The following FNIP1 variants were observed in gnomAD, a reference collection of about 807,000 sequenced individuals.
FNIP1 encodes folliculin-interacting protein 1.
A neutral mutation model predicts 124.5 loss-of-function variants in FNIP1; 40 were observed. That is an observed-to-expected ratio of 0.32 (90% CI 0.25 to 0.42). FNIP1 has a LOEUF of 0.42. FNIP1 is among the 10% of genes least tolerant of loss of function. The pLI, the probability that FNIP1 is intolerant of heterozygous loss-of-function variation, is 1.00. For synonymous variants in FNIP1, 472 were observed against 470.6 expected, an observed-to-expected ratio of 1.00 and a Z score of -0.04; for missense variants, 1,176 against 1,403.7, an observed-to-expected ratio of 0.84 and a Z score of 2.59.
intron 15 of FNIP1, among the ~76,000 whole-genome samples, chr5:131,663,655 T>C (rs969253126): frequency 1.3e-5 from 2 of 152,236 alleles, no homozygotes; most frequent in African/African-American, 4.8e-5. Context: ...TTTTACTAAT[T>C]GTTTGTCTGT....
At chr5:131,696,295 T>TA (rs1274559007) in intron 11 of FNIP1, among the ~76,000 whole-genome samples, 2 of 152,136 alleles carry the variant, frequency 1.3e-5, no homozygotes, top group African/African-American at 2.4e-5. Flanking sequence ...ACTTCATCTA[T>TA]AAAAAACATG....
intron 1 of FNIP1, among the ~76,000 whole-genome samples, chr5:131,755,293 C>T (rs1191043713): frequency 6.6e-6 from 1 of 151,832 alleles, no homozygotes; most frequent in African/African-American, 2.4e-5. Context: ...TGATGGTGGG[C>T]GCCTGTAATT....
intron 1 of FNIP1, among the ~76,000 whole-genome samples, chr5:131,754,342 G>C (rs1246242482): frequency 6.6e-6 from 1 of 152,206 alleles, no homozygotes; most frequent in African/African-American, 2.4e-5. Flanking sequence ...ATCTAGATAA[G>C]AGGTGTGCAT....
rs1002180564 is a variant in FNIP1 at position 131,757,483 on chromosome 5, C to T, written c.93-12793G>A. ...GGAAAGTGTGGTACAATATCATAGG[C>T]CTCATAAAGAACAGGTTTTCATGAG... On this transcript the variant is annotated intron_variant, in intron 1 of 17. Coordinates refer to ENST00000510461, the MANE Select transcript of FNIP1 (RefSeq NM_133372.3). Among the ~76,000 whole-genome samples the T allele has an allele frequency of 5.3e-5, 8 of 152,114 alleles. No individual in the cohort carries two copies. In the East Asian group the frequency reaches 1.3e-3, roughly 26 times the overall value.
At chr5:131,668,587 A>C (rs1329578543) in intron 15 of FNIP1, among the ~76,000 whole-genome samples, 1 of 152,210 alleles carries the variant, frequency 6.6e-6, no homozygotes. Flanking sequence ...CCAGAGGCTG[A>C]GGCAAGAGAA....
chr5:131,728,547 C>G (rs1373692415), intron 3 of FNIP1, among the ~76,000 whole-genome samples: 1 of 152,130 alleles, frequency 6.6e-6, no homozygotes, highest in Admixed American at 6.6e-5. Context: ...TCATGTTCTT[C>G]TCTAAACTGT....
intron 1 of FNIP1, among the ~76,000 whole-genome samples, chr5:131,794,470 C>T (rs1772512086): frequency 6.6e-6 from 1 of 151,984 alleles, no homozygotes; most frequent in African/African-American, 2.4e-5. Flanking sequence ...TCCTAGATTT[C>T]TATCCAAGAG....
chr5:131,671,303 T>A (rs545889803), intron 14 of FNIP1, among the ~76,000 whole-genome samples: 8 of 152,322 alleles, frequency 5.3e-5, no homozygotes, highest in South Asian at 2.1e-4. Context: ...ATCCTTTAAC[T>A]TTTATTTGAG....
rs1463923736 is a variant in FNIP1, at chr5:131,647,172, G to A, written c.3340C>T (p.Leu1114=). Reference sequence around the variant, plus strand: ...GACAGCATTTTACTTTTGAAGTATAGCTCCTGCAACCGGTCTTCAAGATGC... The same window carrying A: ...GACAGCATTTTACTTTTGAAGTATAACTCCTGCAACCGGTCTTCAAGATGC... ...VMHLEDRLQE[L]YFKSKMLSEY... Residue 1114 remains leucine (L), a synonymous_variant, in exon 17 of 18, where the codon CTA becomes TTA. Transcript: ENST00000510461. 1 of 1,614,116 alleles carries A rather than the reference G, an allele frequency of 6.2e-7. No individual in the cohort carries two copies. The highest frequency in any genetic ancestry group is 1.1e-5 in the South Asian group (1 of 91,078).
intron 7 of FNIP1, 147 bp from the exon 8 acceptor site, chr5:131,709,419 A>G (rs1470885805): frequency 1.5e-6 from 1 of 649,912 alleles, no homozygotes; most frequent in Admixed American, 2.5e-5. Flanking sequence ...CAACACCAAG[A>G]GCTATTACTC....
Position 131,642,936 on chromosome 5 carries a change from CT to C in FNIP1, c.*1748del, listed in dbSNP as rs1246720109. ...TATGAACTTTTTAATATTCTGAATT[CT>C]GCCAAAAAGATTGACTCATAGAATT... On this transcript the variant is annotated 3_prime_UTR_variant, in exon 18 of 18. Coordinates refer to ENST00000510461, the MANE Select transcript of FNIP1 (RefSeq NM_133372.3). 1 of 146,996 alleles carries C rather than the reference CT, an allele frequency of 6.8e-6. No homozygotes were observed. Among genetic ancestry groups the C allele is most frequent in the East Asian group, 2.0e-4 (1 of 5,000 alleles). 9.1% of individuals were successfully genotyped at this position (146,996 alleles called of 1,614,324 possible).
intron 15 of FNIP1, among the ~76,000 whole-genome samples, chr5:131,664,589 C>A (rs187812456): frequency 7.5e-6 from 1 of 132,648 alleles, no homozygotes; most frequent in Non-Finnish European, 1.5e-5. Flanking sequence ...AAGCCATGTT[C>A]GTGCCACTGC....
intron 2 of FNIP1, among the ~76,000 whole-genome samples, chr5:131,740,837 CCTGCAGTAAAGAAG>C (rs1770488934): frequency 6.6e-6 from 1 of 152,080 alleles, no homozygotes; most frequent in East Asian, 1.9e-4. Context: ...GATGAAAAAG[CCTGCAGTAAAGAAG>C]CTGGCTAAAA....
chr5:131,649,500 TC>T (rs1311293869), intron 16 of FNIP1, among the ~76,000 whole-genome samples: 1 of 152,192 alleles, frequency 6.6e-6, no homozygotes, highest in African/African-American at 2.4e-5. Context: ...ATTTTTTAAT[TC>T]AATTATTTTT....
intron 15 of FNIP1, among the ~76,000 whole-genome samples, chr5:131,669,864 G>C (rs568851948): frequency 1.3e-5 from 2 of 151,618 alleles, no homozygotes; most frequent in East Asian, 3.9e-4. Flanking sequence ...CGATGTCCAT[G>C]GTCACCACTT....
At chr5:131,676,396 A>G (rs1388230459) in intron 13 of FNIP1, among the ~76,000 whole-genome samples, 1 of 151,278 alleles carries the variant, frequency 6.6e-6, no homozygotes, top group Non-Finnish European at 1.5e-5. Context: ...TAATCCACCC[A>G]CCTCAGCCTC....
At chr5:131,653,202 A>G (rs1767091429) in intron 15 of FNIP1, among the ~76,000 whole-genome samples, 1 of 152,224 alleles carries the variant, frequency 6.6e-6, no homozygotes, top group African/African-American at 2.4e-5. Flanking sequence ...ACACATCAAA[A>G]TATACTAACA....
chr5:131,659,998 T>C (rs1767372477), intron 15 of FNIP1, among the ~76,000 whole-genome samples: 1 of 152,202 alleles, frequency 6.6e-6, no homozygotes, highest in East Asian at 1.9e-4. Flanking sequence ...CACACCCTGG[T>C]GCCTCGGGTG....
intron 1 of FNIP1, among the ~76,000 whole-genome samples, chr5:131,789,073 T>A (rs1053417672): frequency 6.6e-6 from 1 of 152,184 alleles, no homozygotes. Flanking sequence ...CACAATGGAA[T>A]ATTATTCAGC....
Sources: gnomAD v4.1 joint callset for allele counts (sites outside exome capture counted in the v4.1 genomes callset) on GRCh38, gnomAD v4.1.1 for gene constraint, MANE v1.5 for transcripts, NCBI Gene and HGNC (gene_info 2026-07-23, HGNC 2026-07-21) for gene names.